DLL4: variants seen among roughly 807,000 people sequenced by gnomAD.
The protein encoded by DLL4 is delta like canonical Notch ligand 4, also known as delta-like protein 4.
In DLL4, 7 loss-of-function variants were observed where a neutral mutation model predicts 73.6. The ratio of observed to expected loss-of-function variants is 0.10; its 90% confidence interval spans 0.05 to 0.18. The LOEUF (loss-of-function observed/expected upper bound fraction) is 0.18. Among genes scored for constraint, DLL4 ranks in the 10% least tolerant of loss-of-function variants. The pLI is 1.00. For synonymous variants in DLL4, 345 were observed against 374.3 expected, an observed-to-expected ratio of 0.92 and a Z score of 0.90; for missense variants, 614 against 929.9, an observed-to-expected ratio of 0.66 and a Z score of 4.42.
At chr15:40,932,517 G>A (rs781089972) in intron 6 of DLL4, 70 bp downstream of exon 6, 14 of 1,575,948 alleles carry the variant, frequency 8.9e-6, no homozygotes, top group African/African-American at 4.0e-5. Context: ...AATCCGATTC[G>A]TCACCTGGAT....
In DLL4 at chr15:40,929,984, C is replaced by T. The variant is rs1290034743; in HGVS notation, c.204C>T (p.Val68=). 2 of 1,613,052 alleles carry T rather than the reference C, an allele frequency of 1.2e-6. No homozygotes were observed. Among genetic ancestry groups the T allele is most frequent in the Non-Finnish European group, 1.7e-6 (2 of 1,179,758 alleles). The stretch of plus-strand genomic sequence containing the variant: ...TCTGCCTTAAGCACTTCCAGGCGGT[C>T]GTCTCGCCCGGACCCTGCACCTTCG... ...FRVCLKHFQA[V]VSPGPCTFGT... Residue 68 remains valine (V), a synonymous_variant, in exon 2 of 11, where the codon GTC becomes GTT. Coordinates refer to ENST00000249749, the MANE Select transcript of DLL4 (RefSeq NM_019074.4). This position sits in a 1 kb window ranked among gnomAD's most constrained non-coding sequence, Gnocchi z 7.1.
Position 40,929,529 on chromosome 15 carries a change from G to A in DLL4, c.-140G>A. On this transcript the variant is annotated 5_prime_UTR_variant, in exon 1 of 11. Transcript: ENST00000249749. This position sits in a 1 kb window ranked among gnomAD's most constrained non-coding sequence, Gnocchi z 7.1. ...CAGCGGCAGCTGCAGCGGAGCCAGC[G>A]AGAAGGCCAAAGGGGAGCAGCGTCC... is the stretch of plus-strand genomic sequence containing the variant. The A allele has an allele frequency of 2.5e-6, 2 of 794,126 alleles. No individual in the cohort carries two copies. Among genetic ancestry groups the A allele is most frequent in the East Asian group, 2.9e-5 (1 of 34,940 alleles). 49.2% of individuals were successfully genotyped at this position (794,126 alleles called of 1,614,324 possible).
Position 40,936,685 on chromosome 15 carries a change from A to G in DLL4, c.1698A>G (p.Glu566=). The G allele has an allele frequency of 6.2e-7, 1 of 1,613,562 alleles. No homozygotes were observed. Among genetic ancestry groups the G allele is most frequent in the Non-Finnish European group, 8.5e-7 (1 of 1,179,872 alleles). Residue 566 remains glutamate (E), a synonymous_variant, in exon 9 of 11, where the codon GAA becomes GAG. Coordinates refer to ENST00000249749, the MANE Select transcript of DLL4 (RefSeq NM_019074.4). The part of the protein sequence containing the change: ...RLRRPDDGSR[E]AMNNLSDFQK... ...GACGGCCGGACGACGGCAGCAGGGA[A>G]GCCATGAACAACTTGTCGGACTTCC...
chr15:40,932,417 G>A lies in DLL4; in HGVS notation c.820G>A (p.Glu274Lys). ...CACTCCCTGGCAATGTACTTGTGAT[G>A]AGGGCTGGGGAGGCCTGTTTTGTGA... is the stretch of plus-strand genomic sequence containing the variant. Reference protein sequence around the residue: ...CSTPWQCTCDEGWGGLFCDQD... With the variant: ...CSTPWQCTCDKGWGGLFCDQD... The change falls in exon 6 of 11, where the codon GAG becomes AAG. Residue 274 changes from glutamate (E) to lysine (K), a missense_variant. Glu to Lys is a moderately conservative substitution (Grantham distance 56). Around this residue, in one of 3 missense-constraint regions of DLL4, gnomAD observed 227 missense variants for 370.8 expected, o/e 0.61. Coordinates refer to ENST00000249749, the MANE Select transcript of DLL4 (RefSeq NM_019074.4). 1.9e-6 allele frequency: 3 copies of A among 1,613,978 alleles called. No homozygotes were observed. Among genetic ancestry groups the A allele is most frequent in the Non-Finnish European group, 2.5e-6 (3 of 1,179,900 alleles).
Position 40,936,324 on chromosome 15 carries a change from G to A in DLL4, c.1337G>A (p.Arg446His), listed in dbSNP as rs781379364. ...YCELHVSDCA[R>H]NPCAHGGTCH... ...GAACTCCACGTCAGCGACTGTGCCC[G>A]TAACCCTTGCGCCCACGGTGGCACT... The change falls in exon 9 of 11, where the codon CGT becomes CAT. Residue 446 changes from arginine to histidine, a missense_variant. By Grantham distance (29) the Arg-to-His change is conservative. Transcript: ENST00000249749. The A allele has an allele frequency of 8.7e-6, 14 of 1,609,262 alleles. No individual in the cohort carries two copies. Among genetic ancestry groups the A allele is most frequent in the Admixed American group, 5.0e-5 (3 of 59,464 alleles).
rs1455839507 is a variant in DLL4 at position 40,932,154 on chromosome 15, C to T, written c.659-17C>T. On this transcript the variant is annotated splice_polypyrimidine_tract_variant and intron_variant, in intron 4 of 10. Coordinates refer to ENST00000249749, the MANE Select transcript of DLL4 (RefSeq NM_019074.4). ...CTTGGTATCCCAGCCTCACCCAGCT[C>T]TGTGTTCTTCCCTTAGCTATCTGTC... 2 of 1,613,992 alleles carry T rather than the reference C, an allele frequency of 1.2e-6. No individual in the cohort carries two copies. The highest frequency in any genetic ancestry group is 2.2e-5 in the South Asian group (2 of 91,080).
At position 40,931,537 on chromosome 15, in the gene DLL4, C is replaced by T. The variant is rs375261574; in HGVS notation, c.429C>T (p.Ile143=). 4.3e-5 allele frequency: 70 copies of T among 1,609,750 alleles called. No homozygotes were observed. Among genetic ancestry groups the T allele is most frequent in the East Asian group, 6.7e-5 (3 of 44,708 alleles). The change falls in exon 4 of 11, where the codon ATC becomes ATT. Residue 143 remains isoleucine (I), a synonymous_variant. Coordinates refer to ENST00000249749, the MANE Select transcript of DLL4 (RefSeq NM_019074.4). ...CACCAGATGCACTCATCAGCAAGAT[C>T]GCCATCCAGGGCTCCCTAGCTGTGG... ...ALPPDALISK[I]AIQGSLAVGQ...
rs1226545961 is a variant in DLL4, at chr15:40,930,080, C to T, written c.300C>T (p.Arg100=). The T allele has an allele frequency of 3.7e-6, 6 of 1,605,410 alleles. No homozygotes were observed. In the Admixed American group the frequency reaches 1.0e-4, roughly 27 times the overall value. ...GGGACGACAGTAGCGGCGGGGGGCG[C>T]AACCCTCTCCAACTGCCCTTCAATT... ...AVRDDSSGGG[R]NPLQLPFNFT... Residue 100 remains arginine (R), a synonymous_variant, in exon 2 of 11, where the codon CGC becomes CGT. Transcript: ENST00000249749. The surrounding 1 kb of genome is among the most constrained non-coding windows in gnomAD (Gnocchi z 5.7).
At chr15:40,933,822 T>A (rs1892804042) in intron 6 of DLL4, among the ~76,000 whole-genome samples, 1 of 152,034 alleles carries the variant, frequency 6.6e-6, no homozygotes, top group African/African-American at 2.4e-5. Flanking sequence ...TTAAGAAACA[T>A]GATTTTCATC....
At position 40,930,211 on chromosome 15, in the gene DLL4, A is replaced by AC. The variant is rs991744386; in HGVS notation, c.336+100dup. On this transcript the variant is annotated intron_variant, in intron 2 of 10. Transcript: ENST00000249749. This position sits in a 1 kb window ranked among gnomAD's most constrained non-coding sequence, Gnocchi z 5.7. ...CCTCCCCAGATTTCCTTGTACACAC[A>AC]CCCCCACCCCCAAAAAGCCCAGGAT... 5.0e-6 allele frequency: 7 copies of AC among 1,402,730 alleles called. No homozygotes were observed. The highest frequency in any genetic ancestry group is 1.9e-6 in the Non-Finnish European group (2 of 1,040,234). 86.9% of individuals were successfully genotyped at this position (1,402,730 alleles called of 1,614,324 possible).
chr15:40,937,369 C>A (rs1221409507), intron 9 of DLL4, 49 bp from the exon 10 acceptor site: 1 of 1,362,334 alleles, frequency 7.3e-7, no homozygotes, highest in South Asian at 1.2e-5. Flanking sequence ...TCCCTCCCCC[C>A]AAGCCTCTCC....
In DLL4 at chr15:40,929,363, G is replaced by A. The variant is rs1177358783; in HGVS notation, c.-306G>A. On this transcript the variant is annotated 5_prime_UTR_variant, in exon 1 of 11. Coordinates refer to ENST00000249749, the MANE Select transcript of DLL4 (RefSeq NM_019074.4). This position sits in a 1 kb window ranked among gnomAD's most constrained non-coding sequence, Gnocchi z 7.1. ...TCAGTAGCGGCGCTGCGCGCAGGCC[G>A]GGAACACGAGGCCAAGAGCCGCAGC... is the stretch of plus-strand genomic sequence containing the variant. 5 of 408,996 alleles carry A rather than the reference G, an allele frequency of 1.2e-5. No individual in the cohort carries two copies. Among genetic ancestry groups the A allele is most frequent in the African/African-American group, 6.2e-5 (3 of 48,106 alleles). The allele number at this position is 408,996 out of a possible 1,614,324, so 25.3% of individuals were successfully genotyped here. A position where few individuals can be genotyped will look rare whatever the true frequency, so the allele number is the denominator to read the frequency against.
At chr15:40,932,471 G>A in intron 6 of DLL4, 24 bp downstream of exon 6, 1 of 1,613,558 alleles carries the variant, frequency 6.2e-7, no homozygotes. Context: ...AAGAGAGGGT[G>A]CAGAGGGTGC....
intron 9 of DLL4, 123 bp downstream of exon 9, chr15:40,937,053 TC>T: frequency 1.3e-6 from 1 of 791,366 alleles, no homozygotes. Flanking sequence ...AGGAAGATCC[TC>T]CAGTAGGATT....
At chr15:40,935,142 T>C (rs1892825474) in intron 8 of DLL4, 25 bp downstream of exon 8, 1 of 1,597,450 alleles carries the variant, frequency 6.3e-7, no homozygotes, top group East Asian at 2.2e-5. Context: ...CCTGCTAACC[T>C]GGTGGACTGG....
At position 40,935,164 on chromosome 15, in the gene DLL4, A is replaced by G. The variant is rs763458171; in HGVS notation, c.1240+47A>G. 23 of 1,556,848 alleles carry G rather than the reference A, an allele frequency of 1.5e-5. No homozygotes were observed. The South Asian group carries it at 2.5e-4, about 17-fold the overall frequency. ...ACCTGGTGGACTGGCCCTGGGGCTG[A>G]GAGAGACTTCTGGTGAGGGAGGGTC... is the stretch of plus-strand genomic sequence containing the variant. On this transcript the variant is annotated intron_variant, in intron 8 of 10. Coordinates refer to ENST00000249749, the MANE Select transcript of DLL4 (RefSeq NM_019074.4).
chr15:40,931,886 C>T (rs754822943), intron 4 of DLL4, 120 bp downstream of exon 4: 13 of 1,323,464 alleles, frequency 9.8e-6, no homozygotes, highest in Non-Finnish European at 1.3e-5. Context: ...ACTAGCTGGG[C>T]CTCAGGGATG....
At position 40,929,640 on chromosome 15, in the gene DLL4, C is replaced by T. The variant is rs772922527; in HGVS notation, c.-29C>T. ...CGCGAACAGAGCCAGATTGAGGGCCCGCGGGTGGAGAGAGCGACGCCCGAG... is the reference window on the plus strand; with the variant it reads ...CGCGAACAGAGCCAGATTGAGGGCCTGCGGGTGGAGAGAGCGACGCCCGAG... On this transcript the variant is annotated 5_prime_UTR_variant, in exon 1 of 11. Transcript: ENST00000249749. The surrounding 1 kb of genome is among the most constrained non-coding windows in gnomAD (Gnocchi z 7.1). 3 of 1,505,228 alleles carry T rather than the reference C, an allele frequency of 2.0e-6. No homozygotes were observed. The highest frequency in any genetic ancestry group is 1.4e-5 in the African/African-American group (1 of 71,434). The allele number at this position is 1,505,228 out of a possible 1,614,324, so 93.2% of individuals were successfully genotyped here.
In DLL4 at chr15:40,929,722, A is replaced by G. The variant is rs1303101723; in HGVS notation, c.54A>G (p.Ala18=). 1.3e-6 allele frequency: 2 copies of G among 1,598,550 alleles called. No homozygotes were observed. Among genetic ancestry groups the G allele is most frequent in the Non-Finnish European group, 1.7e-6 (2 of 1,177,318 alleles). The change falls in exon 1 of 11, where the codon GCA becomes GCG. Residue 18 remains alanine, a synonymous_variant. Transcript: ENST00000249749. This position sits in a 1 kb window ranked among gnomAD's most constrained non-coding sequence, Gnocchi z 7.1. Reference sequence around the variant, plus strand: ...GCTGGGCGCTACTGCTGCTGGTGGCACTTTGGCAGCAGGTAACACGTCCCG... The same window carrying G: ...GCTGGGCGCTACTGCTGCTGGTGGCGCTTTGGCAGCAGGTAACACGTCCCG... ...ASGWALLLLV[A]LWQQRAAGSG... is the part of the protein sequence containing the mutation.
Sources: gnomAD v4.1 joint callset for allele counts (sites outside exome capture counted in the v4.1 genomes callset) on GRCh38, gnomAD v4.1.1 for gene constraint, gnomAD v4.1.1 regional missense constraint, Gnocchi (gnomAD v3.1) non-coding constraint, MANE v1.5 for transcripts, NCBI Gene and HGNC (gene_info 2026-07-23, HGNC 2026-07-21) for gene names.